ADAMTS19: variants seen among roughly 807,000 people sequenced by gnomAD.
ADAMTS19 encodes A disintegrin and metalloproteinase with thrombospondin motifs 19.
A neutral mutation model predicts 153.3 loss-of-function variants in ADAMTS19; 93 were observed. The ratio of observed to expected loss-of-function variants is 0.61; its 90% confidence interval spans 0.51 to 0.72. ADAMTS19 has a LOEUF of 0.72. Among genes scored for constraint, ADAMTS19 ranks in the 30% least tolerant of loss-of-function variants. The pLI, the probability that ADAMTS19 is intolerant of heterozygous loss-of-function variation, is 0.00. For missense variants in ADAMTS19, 1,482 were observed against 1,552.1 expected (o/e 0.95, Z 0.76); for synonymous variants, 600 against 556.6 (o/e 1.08, Z -1.10).
intron 2 of ADAMTS19, among the ~76,000 whole-genome samples, chr5:129,479,921 T>C (rs1368711227): frequency 3.9e-5 from 6 of 152,156 alleles, no homozygotes; most frequent in African/African-American, 1.4e-4. Flanking sequence ...ACACTCATTT[T>C]TTAAAAAAAC....
intron 6 of ADAMTS19, among the ~76,000 whole-genome samples, chr5:129,551,120 A>G (rs1390083272): frequency 1.3e-5 from 2 of 151,686 alleles, no homozygotes; most frequent in Admixed American, 1.3e-4. Context: ...ATGAGGTGAC[A>G]GAGGAACAAG....
chr5:129,686,190 AAGTG>A (rs1453548732), intron 18 of ADAMTS19, among the ~76,000 whole-genome samples: 7 of 152,256 alleles, frequency 4.6e-5, no homozygotes, highest in African/African-American at 1.7e-4. Context: ...TGCACTTGTG[AAGTG>A]AGTTTGGAAA....
chr5:129,719,772 G>A (rs1441761040), intron 21 of ADAMTS19, among the ~76,000 whole-genome samples: 2 of 152,158 alleles, frequency 1.3e-5, no homozygotes, highest in African/African-American at 4.8e-5. Flanking sequence ...TGGGCGCAGT[G>A]GCCCACATCT....
chr5:129,648,869 C>G lies in ADAMTS19; in HGVS notation c.2075C>G (p.Pro692Arg). 6.2e-7 allele frequency: 1 copy of G among 1,613,856 alleles called. No homozygotes were observed. Among genetic ancestry groups the G allele is most frequent in the Non-Finnish European group, 8.5e-7 (1 of 1,179,886 alleles). ...QYRICENPPC[P>R]AGLPGFRDWQ... ...AGAATATGTGAGAATCCACCTTGTC[C>G]TGCAGGTTTGCCTGGATTCAGAGAC... is the stretch of plus-strand genomic sequence containing the variant. Residue 692 changes from proline (P) to arginine (R), a missense_variant, in exon 13 of 23, where the codon CCT becomes CGT. Physicochemically the swap from Pro to Arg is moderately radical, Grantham distance 103 (BLOSUM62 -2). This residue lies in a region of ADAMTS19 where 616 missense variants were observed against 724.4 expected (regional missense o/e 0.85). Transcript: ENST00000274487.
At chr5:129,546,500 A>T (rs1752866217) in intron 6 of ADAMTS19, among the ~76,000 whole-genome samples, 1 of 150,840 alleles carries the variant, frequency 6.6e-6, no homozygotes, top group Admixed American at 6.6e-5. Flanking sequence ...GTAAGCAGAA[A>T]GCAAATGCAT....
intron 9 of ADAMTS19, 86 bp from the exon 10 acceptor site, chr5:129,622,112 T>C: frequency 7.5e-7 from 1 of 1,337,628 alleles, no homozygotes; most frequent in Non-Finnish European, 1.1e-6. Context: ...TTTGATATTA[T>C]TAAAGTGTTT....
At chr5:129,709,916 C>T (rs1224363946) in intron 21 of ADAMTS19, among the ~76,000 whole-genome samples, 1 of 151,364 alleles carries the variant, frequency 6.6e-6, no homozygotes, top group Non-Finnish European at 1.5e-5. Flanking sequence ...AATTAATAGG[C>T]TGTAGGCTCA....
At chr5:129,664,916 T>A (rs566662296) in intron 15 of ADAMTS19, among the ~76,000 whole-genome samples, 67 of 152,226 alleles carry the variant, frequency 4.4e-4, no homozygotes, top group African/African-American at 1.6e-3. Flanking sequence ...ATGTCTTGGG[T>A]CTAGCTATCT....
intron 21 of ADAMTS19, among the ~76,000 whole-genome samples, chr5:129,706,545 G>T (rs1271325290): frequency 2.0e-5 from 3 of 150,534 alleles, no homozygotes; most frequent in Non-Finnish European, 2.9e-5. Flanking sequence ...CTCCAGCCTG[G>T]GTAACAAGAG....
chr5:129,570,459 G>A (rs1243946086), intron 7 of ADAMTS19, among the ~76,000 whole-genome samples: 1 of 151,522 alleles, frequency 6.6e-6, no homozygotes, highest in Non-Finnish European at 1.5e-5. Context: ...AAAATCTCCA[G>A]CACTAGGATG....
intron 2 of ADAMTS19, among the ~76,000 whole-genome samples, chr5:129,489,518 A>G (rs992814234): frequency 2.0e-5 from 3 of 152,206 alleles, no homozygotes; most frequent in African/African-American, 7.2e-5. Flanking sequence ...CAAAATTTGT[A>G]TGCTACAACC....
intron 20 of ADAMTS19, among the ~76,000 whole-genome samples, chr5:129,703,406 A>G (rs183337611): frequency 0.011 from 1,610 of 152,278 alleles, 14 homozygotes; most frequent in Non-Finnish European, 0.016. Context: ...ATTTAGAATT[A>G]TAATTTCTAG....
intron 6 of ADAMTS19, among the ~76,000 whole-genome samples, chr5:129,532,400 A>T (rs890761799): frequency 1.3e-5 from 2 of 152,290 alleles, no homozygotes; most frequent in Non-Finnish European, 1.5e-5. Flanking sequence ...GGAAAATGCA[A>T]ATTAAATTCA....
At chr5:129,660,435 G>A (rs6595919) in intron 15 of ADAMTS19, among the ~76,000 whole-genome samples, 19,392 of 151,700 alleles carry the variant, frequency 0.13, 1,661 homozygotes, top group African/African-American at 0.24. Flanking sequence ...AGAAATTTAA[G>A]CATATTAGAG....
At chr5:129,671,051 A>G (rs1427513656) in intron 16 of ADAMTS19, among the ~76,000 whole-genome samples, 1 of 152,206 alleles carries the variant, frequency 6.6e-6, no homozygotes, top group Non-Finnish European at 1.5e-5. Flanking sequence ...ATCAATGTTG[A>G]AAATACTAGT....
chr5:129,550,675 T>C (rs1753057733), intron 6 of ADAMTS19, among the ~76,000 whole-genome samples: 1 of 151,106 alleles, frequency 6.6e-6, no homozygotes, highest in African/African-American at 2.4e-5. Context: ...TGTGACTTCA[T>C]TGGTGAATAG....
intron 13 of ADAMTS19, among the ~76,000 whole-genome samples, chr5:129,652,461 T>G (rs1753359246): frequency 6.6e-6 from 1 of 152,236 alleles, no homozygotes; most frequent in Non-Finnish European, 1.5e-5. Flanking sequence ...TCACATACTT[T>G]GTGTGTGCCA....
chr5:129,537,543 T>C (rs13181940), intron 6 of ADAMTS19, among the ~76,000 whole-genome samples: 11 of 152,066 alleles, frequency 7.2e-5, no homozygotes, highest in Admixed American at 6.6e-4. Flanking sequence ...CCAACAATGA[T>C]AGACTGGATT....
At chr5:129,502,066 A>T (rs973804585) in intron 2 of ADAMTS19, among the ~76,000 whole-genome samples, 1 of 152,036 alleles carries the variant, frequency 6.6e-6, no homozygotes, top group African/African-American at 2.4e-5. Context: ...AGGTTATAAA[A>T]CCATTGAGTG....
Sources: gnomAD v4.1 joint callset for allele counts (sites outside exome capture counted in the v4.1 genomes callset) on GRCh38, gnomAD v4.1.1 for gene constraint, gnomAD v4.1.1 regional missense constraint, MANE v1.5 for transcripts, NCBI Gene and HGNC (gene_info 2026-07-23, HGNC 2026-07-21) for gene names.